The following CRYL1 variants were observed in gnomAD, a reference collection of about 807,000 sequenced individuals.
CRYL1 encodes crystallin lambda 1.
In CRYL1, 29 loss-of-function variants were observed where a neutral mutation model predicts 36.6. The observed-to-expected ratio is 0.79, with a 90% CI of 0.59 to 1.08. CRYL1 has a LOEUF of 1.08. Ranked by LOEUF, CRYL1 falls within the 50% of genes least tolerant of loss-of-function variation. The probability of loss-of-function intolerance (pLI) is 0.00; values close to 1 mark genes in which losing one functional copy is unlikely to be tolerated. For synonymous variants in CRYL1, 152 were observed against 151.5 expected (o/e 1.00, Z -0.02); for missense variants, 411 against 407.9 (o/e 1.01, Z -0.06).
chr13:20,429,514 C>T (rs1379999173), intron 5 of CRYL1, among the ~76,000 whole-genome samples: 1 of 152,106 alleles, frequency 6.6e-6, no homozygotes, highest in Admixed American at 6.5e-5. Context: ...CATAGATTTT[C>T]CTGCAATAAA....
chr13:20,406,961 ATC>A (rs1565954234), intron 6 of CRYL1, among the ~76,000 whole-genome samples: 2 of 151,744 alleles, frequency 1.3e-5, no homozygotes, highest in African/African-American at 4.8e-5. Flanking sequence ...GCAAGTGTTC[ATC>A]TCTCCCTGTT....
At chr13:20,438,555 G>C (rs1161971383) in intron 4 of CRYL1, among the ~76,000 whole-genome samples, 3 of 152,158 alleles carry the variant, frequency 2.0e-5, no homozygotes, top group Non-Finnish European at 2.9e-5. Flanking sequence ...AGGCATGTGT[G>C]CTCATGCCAC....
chr13:20,518,111 A>T (rs180996436), intron 1 of CRYL1, among the ~76,000 whole-genome samples: 1 of 152,216 alleles, frequency 6.6e-6, no homozygotes, highest in African/African-American at 2.4e-5. Context: ...GATAACGGTC[A>T]GCTGGCTCTT....
At position 20,525,269 on chromosome 13, in the gene CRYL1, G is replaced by A. The variant is rs1022339063; in HGVS notation, c.41+485C>T. Among the ~76,000 whole-genome samples the A allele has an allele frequency of 6.6e-6, 1 of 152,152 alleles. No homozygotes were observed. The highest frequency in any genetic ancestry group is 2.4e-5 in the African/African-American group (1 of 41,428). On this transcript the variant is annotated intron_variant, in intron 1 of 7. Coordinates refer to ENST00000298248, the MANE Select transcript of CRYL1 (RefSeq NM_015974.3). This position sits in a 1 kb window ranked among gnomAD's most constrained non-coding sequence, Gnocchi z 4.3. ...GGACTGCGCTGGCACCCTCCCTGCT[G>A]GGCTAGTCCTGTCTCCGTCACTAAA...
chr13:20,457,635 G>C (rs1035755683), intron 3 of CRYL1, among the ~76,000 whole-genome samples: 1 of 152,090 alleles, frequency 6.6e-6, no homozygotes, highest in Non-Finnish European at 1.5e-5. Flanking sequence ...GCAAAGCTTC[G>C]GTGTCATAAG....
chr13:20,462,102 TGGGGTGGGAGGATGG>T, intron 3 of CRYL1, among the ~76,000 whole-genome samples: 1 of 24,030 alleles, frequency 4.2e-5, no homozygotes, highest in Non-Finnish European at 8.8e-5. Context: ...GGTGAGAGGA[TGGGGTGGGAGGATGG>T]CCTGGTGGGA....
chr13:20,507,845 G>T (rs2033829303), intron 2 of CRYL1, among the ~76,000 whole-genome samples: 1 of 151,706 alleles, frequency 6.6e-6, no homozygotes, highest in Non-Finnish European at 1.5e-5. Flanking sequence ...ATGAACCTGG[G>T]AGGCGGAGCT....
At position 20,488,957 on chromosome 13, in the gene CRYL1, G is replaced by T. The variant is rs116156131; in HGVS notation, c.276+413C>A. Among the ~76,000 whole-genome samples, 610 of 152,298 alleles carry T rather than the reference G, an allele frequency of 4.0e-3. 4 individuals carry two copies. Among genetic ancestry groups the T allele is most frequent in the African/African-American group, 0.013 (544 of 41,566 alleles). On this transcript the variant is annotated intron_variant, in intron 3 of 7. Coordinates refer to ENST00000298248, the MANE Select transcript of CRYL1 (RefSeq NM_015974.3). ...TGGAAAGGCTACATGCAAGTGAAAG[G>T]TTTTCTTTTTGATGATGTAAGCTTT... is the stretch of plus-strand genomic sequence containing the variant.
chr13:20,516,580 C>T (rs187746985), intron 1 of CRYL1, among the ~76,000 whole-genome samples: 16 of 151,984 alleles, frequency 1.1e-4, no homozygotes, highest in Non-Finnish European at 1.8e-4. Flanking sequence ...CCTGGGTTCA[C>T]GCCATTCTCC....
In CRYL1 at chr13:20,415,648, G is replaced by A. The variant is rs931740860; in HGVS notation, c.634-2261C>T. 6.6e-6 allele frequency among the ~76,000 whole-genome samples: 1 copy of A among 152,230 alleles called. No individual in the cohort carries two copies. The highest frequency in any genetic ancestry group is 1.5e-5 in the Non-Finnish European group (1 of 68,034). On this transcript the variant is annotated intron_variant, in intron 5 of 7. Coordinates refer to ENST00000298248, the MANE Select transcript of CRYL1 (RefSeq NM_015974.3). This position sits in a 1 kb window ranked among gnomAD's most constrained non-coding sequence, Gnocchi z 4.1. ...GCATATCGAGGCTGAACAAGCCACA[G>A]TCCACGTTTCCAGGAGAATTACAAA...
intron 2 of CRYL1, among the ~76,000 whole-genome samples, chr13:20,492,894 A>T (rs909405042): frequency 6.6e-6 from 1 of 152,160 alleles, no homozygotes; most frequent in African/African-American, 2.4e-5. Flanking sequence ...TTTCCAGATG[A>T]CACAGGTAGT....
At chr13:20,459,129 G>C (rs568007441) in intron 3 of CRYL1, among the ~76,000 whole-genome samples, 5 of 151,762 alleles carry the variant, frequency 3.3e-5, no homozygotes, top group Non-Finnish European at 7.4e-5. Context: ...CCGGCTACTC[G>C]GGAGGCTGAG....
chr13:20,516,114 C>T (rs183503070), intron 1 of CRYL1, among the ~76,000 whole-genome samples: 9 of 128,262 alleles, frequency 7.0e-5, no homozygotes, highest in Admixed American at 5.0e-4. Flanking sequence ...TCGCTTGAAC[C>T]GGTGGGGAGG....
rs34122237 is a variant in CRYL1 at position 20,452,242 on chromosome 13, T to TAAA, written c.277-12491_277-12489dup. 9.9e-3 allele frequency among the ~76,000 whole-genome samples: 1,331 copies of TAAA among 134,590 alleles called. 18 individuals carry two copies. The highest frequency in any genetic ancestry group is 0.034 in the African/African-American group (1,214 of 35,942). 88.3% of individuals were successfully genotyped at this position (134,590 alleles called of 152,430 possible). A position where few individuals can be genotyped will look rare whatever the true frequency, so the allele number is the denominator to read the frequency against. On this transcript the variant is annotated intron_variant, in intron 3 of 7. Coordinates refer to ENST00000298248, the MANE Select transcript of CRYL1 (RefSeq NM_015974.3). ...AAAGAGGCAGACCATCAGACCGAAT[T>TAAA]AAAAAAAAAAAAAAGCAAAACCCAA...
chr13:20,454,609 CG>C (rs2032641690), intron 3 of CRYL1, among the ~76,000 whole-genome samples: 1 of 152,130 alleles, frequency 6.6e-6, no homozygotes, highest in East Asian at 1.9e-4. Flanking sequence ...TTAGTAGAGA[CG>C]GGGTTTCACC....
chr13:20,460,839 TC>T (rs941161166), intron 3 of CRYL1, among the ~76,000 whole-genome samples: 1 of 152,170 alleles, frequency 6.6e-6, no homozygotes, highest in African/African-American at 2.4e-5. Flanking sequence ...GCTGCTGTTT[TC>T]TAAGAGTTAA....
chr13:20,501,825 G>A (rs59145582), intron 2 of CRYL1, among the ~76,000 whole-genome samples: 28,423 of 152,186 alleles, frequency 0.19, 2,869 homozygotes, highest in South Asian at 0.25. Flanking sequence ...AGAGGGCTGA[G>A]CCAGACTCCA....
chr13:20,430,334 G>A (rs1290649315), intron 5 of CRYL1: 1 of 985,228 alleles, frequency 1.0e-6, no homozygotes, highest in Non-Finnish European at 1.2e-6. Context: ...TCCTTACAGG[G>A]ACTCCAGGCA....
intron 2 of CRYL1, among the ~76,000 whole-genome samples, chr13:20,509,906 A>G (rs1408511073): frequency 6.6e-6 from 1 of 152,156 alleles, no homozygotes; most frequent in Non-Finnish European, 1.5e-5. Flanking sequence ...CTCCAGCCTG[A>G]GCTACAGAGG....
Sources: allele counts gnomAD v4.1 joint callset (sites outside exome capture counted in the v4.1 genomes callset), GRCh38; gene constraint gnomAD v4.1.1; non-coding constraint Gnocchi (gnomAD v3.1); transcripts MANE v1.5; gene names NCBI Gene and HGNC (gene_info 2026-07-23, HGNC 2026-07-21).